WDR33: variants seen among roughly 807,000 people sequenced by gnomAD.
WDR33 encodes the protein pre-mRNA 3' end processing protein WDR33.
Under a neutral mutation model 164.9 loss-of-function variants are expected in WDR33, and 47 were observed. The observed-to-expected ratio is 0.29, with a 90% confidence interval of 0.23 to 0.36. The LOEUF (loss-of-function observed/expected upper bound fraction) is 0.36, where lower values mean the gene tolerates loss of function less well. Among genes scored for constraint, WDR33 ranks in the 10% least tolerant of loss-of-function variants. The pLI is 1.00. For synonymous variants in WDR33, 505 were observed against 589.0 expected (o/e 0.86, Z 2.06); for missense variants, 1,137 against 1,754.1 (o/e 0.65, Z 6.28).
chr2:127,747,439 A>G (rs984752895), intron 7 of WDR33, among the ~76,000 whole-genome samples: 4 of 138,122 alleles, frequency 2.9e-5, no homozygotes, highest in South Asian at 2.2e-4. Flanking sequence ...TGCTCTACCG[A>G]AAAAAAAAAA....
chr2:127,742,866 A>AC (rs1481216504), intron 7 of WDR33, among the ~76,000 whole-genome samples: 7 of 150,946 alleles, frequency 4.6e-5, no homozygotes, highest in African/African-American at 1.7e-4. Context: ...CAGTTAAAAA[A>AC]AAAAAAACAA....
At position 127,764,656 on chromosome 2, in the gene WDR33, G is replaced by A. The variant is rs777984005; in HGVS notation, c.626+172C>T. 2.0e-5 allele frequency: 31 copies of A among 1,565,280 alleles called. No individual in the cohort carries two copies. In the Admixed American group the frequency reaches 5.8e-4, roughly 29 times the overall value. On this transcript the variant is annotated intron_variant, in intron 6 of 21. Coordinates refer to ENST00000322313, the MANE Select transcript of WDR33 (RefSeq NM_018383.5). This position sits in a 1 kb window ranked among gnomAD's most constrained non-coding sequence, Gnocchi z 6.2. The stretch of plus-strand genomic sequence containing the variant: ...ACCGGGACAACACTACTTCAGAAAG[G>A]TGCCAGCAAAATGGTGAATGTGTGA...
chr2:127,752,418 G>A (rs1371761459), intron 7 of WDR33, among the ~76,000 whole-genome samples: 2 of 151,400 alleles, frequency 1.3e-5, no homozygotes, highest in Non-Finnish European at 2.9e-5. Flanking sequence ...GTGAAACCCC[G>A]TCTCTACTAA....
At position 127,722,946 on chromosome 2, in the gene WDR33, A is replaced by T. The variant is rs755022622; in HGVS notation, c.1378+12T>A. Reference sequence around the variant, plus strand: ...TTGTAAAAATTAAATGTGTCTGTGTAACTTCTCTTACCCATCTGTTCTTGT... The same window carrying T: ...TTGTAAAAATTAAATGTGTCTGTGTTACTTCTCTTACCCATCTGTTCTTGT... On this transcript the variant is annotated intron_variant, in intron 13 of 21. Coordinates refer to ENST00000322313, the MANE Select transcript of WDR33 (RefSeq NM_018383.5). This position sits in a 1 kb window ranked among gnomAD's most constrained non-coding sequence, Gnocchi z 5.1. The T allele has an allele frequency of 1.3e-6, 2 of 1,592,296 alleles. No individual in the cohort carries two copies. The highest frequency in any genetic ancestry group is 2.3e-5 in the South Asian group (2 of 85,918).
chr2:127,760,890 TAAAG>T (rs1687653797), intron 7 of WDR33, among the ~76,000 whole-genome samples: 1 of 152,118 alleles, frequency 6.6e-6, no homozygotes, highest in South Asian at 2.1e-4. Flanking sequence ...AAACCTAAAA[TAAAG>T]AGACCTCATA....
intron 1 of WDR33, among the ~76,000 whole-genome samples, chr2:127,775,556 T>C (rs555294936): frequency 6.6e-6 from 1 of 152,262 alleles, no homozygotes; most frequent in South Asian, 2.1e-4. Flanking sequence ...TGAAGCTGGG[T>C]GGAGAGTACC....
Position 127,720,820 on chromosome 2 carries a change from A to G in WDR33, c.1672-467T>C, listed in dbSNP as rs1456576241. ...GCTGATCCTCCCGCCTCGCCTCCCAAAGTGCTGGGATTACAGGCGTGAGCC... is the reference window on the plus strand; with the variant it reads ...GCTGATCCTCCCGCCTCGCCTCCCAGAGTGCTGGGATTACAGGCGTGAGCC... On this transcript the variant is annotated intron_variant, in intron 15 of 21. Coordinates refer to ENST00000322313, the MANE Select transcript of WDR33 (RefSeq NM_018383.5). This position sits in a 1 kb window ranked among gnomAD's most constrained non-coding sequence, Gnocchi z 5.9. Among the ~76,000 whole-genome samples, 2 of 152,098 alleles carry G rather than the reference A, an allele frequency of 1.3e-5. No individual in the cohort carries two copies. Among genetic ancestry groups the G allele is most frequent in the Non-Finnish European group, 2.9e-5 (2 of 68,010 alleles).
chr2:127,735,269 C>A lies in WDR33; in HGVS notation c.725-8492G>T. ...TTCTCAGGCCCTCACCCCTCCTCCA[C>A]CTGATCACCCCTCCTCCACCTCATC... On this transcript the variant is annotated intron_variant, in intron 7 of 21. Coordinates refer to ENST00000322313, the MANE Select transcript of WDR33 (RefSeq NM_018383.5). The surrounding 1 kb of genome is among the most constrained non-coding windows in gnomAD (Gnocchi z 4.3). The A allele has an allele frequency of 1.7e-6, 1 of 591,910 alleles. No individual in the cohort carries two copies. Among genetic ancestry groups the A allele is most frequent in the Non-Finnish European group, 2.1e-6 (1 of 470,698 alleles). 36.7% of individuals were successfully genotyped at this position (591,910 alleles called of 1,614,324 possible). A position where few individuals can be genotyped will look rare whatever the true frequency, so the allele number is the denominator to read the frequency against.
In WDR33 at chr2:127,721,292, G is replaced by A. The variant is rs929786055; in HGVS notation, c.1671+544C>T. 6.6e-6 allele frequency among the ~76,000 whole-genome samples: 1 copy of A among 152,090 alleles called. No homozygotes were observed. The highest frequency in any genetic ancestry group is 1.5e-5 in the Non-Finnish European group (1 of 68,008). On this transcript the variant is annotated intron_variant, in intron 15 of 21. Coordinates refer to ENST00000322313, the MANE Select transcript of WDR33 (RefSeq NM_018383.5). The surrounding 1 kb of genome is among the most constrained non-coding windows in gnomAD (Gnocchi z 4.9). ...CCAGCTAATTTTTGTATTTTCAGTA[G>A]AGGTGGGGTTTCACCATGTTGACCA...
chr2:127,713,981 C>A lies in WDR33; in HGVS notation c.2910G>T (p.Met970Ile). 1.3e-6 allele frequency: 2 copies of A among 1,545,440 alleles called. No homozygotes were observed. The highest frequency in any genetic ancestry group is 2.5e-5 in the South Asian group (2 of 80,058). ...RGPPNHHMGP[M>I]SERRHEQSGG... ...CGCTCTGCTCATGCCGCCTCTCTGA[C>A]ATCGGGCCCATGTGATGGTTTGGAG... is the stretch of plus-strand genomic sequence containing the variant. The change falls in exon 18 of 22, where the codon ATG becomes ATT. Residue 970 changes from methionine to isoleucine, a missense_variant. Around this residue, in one of 9 missense-constraint regions of WDR33, gnomAD observed 867 missense variants for 1,073.0 expected, o/e 0.81. Transcript: ENST00000322313. This position sits in a 1 kb window ranked among gnomAD's most constrained non-coding sequence, Gnocchi z 6.2.
chr2:127,766,985 C>A (rs188639968), intron 4 of WDR33, among the ~76,000 whole-genome samples: 50 of 152,200 alleles, frequency 3.3e-4, no homozygotes, highest in African/African-American at 1.2e-3. Flanking sequence ...TCTCAAACTC[C>A]CGACCGCAGG....
chr2:127,765,297 C>T, intron 4 of WDR33, 28 bp from the exon 5 acceptor site: 1 of 1,530,158 alleles, frequency 6.5e-7, no homozygotes, highest in South Asian at 1.2e-5. Flanking sequence ...ACAGGTTATA[C>T]ATCCTCCAAC....
chr2:127,701,591 G>GGCCGCGGAGCCGCTGCTC lies in WDR33; in HGVS notation c.*4714_*4731dup, dbSNP rs577320889. On this transcript the variant is annotated 3_prime_UTR_variant, in exon 22 of 22. Transcript: ENST00000322313. ...CGCAGGGGAAAGCTGGCGGCCCGGCGGCCGCGGAGCCGCTGCTCGCCGCGG... is the reference window on the plus strand; with the variant it reads ...CGCAGGGGAAAGCTGGCGGCCCGGCGGCCGCGGAGCCGCTGCTCGCCGCGGAGCCGCTGCTCGCCGCGG... 0.014 allele frequency: 18,419 copies of GGCCGCGGAGCCGCTGCTC among 1,358,394 alleles called. 166 individuals are homozygous for GGCCGCGGAGCCGCTGCTC. Among genetic ancestry groups the GGCCGCGGAGCCGCTGCTC allele is most frequent in the Middle Eastern group, 0.043 (156 of 3,588 alleles). The allele number at this position is 1,358,394 out of a possible 1,614,324, so 84.1% of individuals were successfully genotyped here.
At chr2:127,784,283 C>G (rs1375816486) in intron 1 of WDR33, among the ~76,000 whole-genome samples, 1 of 152,140 alleles carries the variant, frequency 6.6e-6, no homozygotes, top group Non-Finnish European at 1.5e-5. Flanking sequence ...ATTTTCACAG[C>G]CTTCTAAGAC....
intron 21 of WDR33, among the ~76,000 whole-genome samples, chr2:127,707,115 A>T (rs1490212140): frequency 6.6e-6 from 1 of 152,036 alleles, no homozygotes; most frequent in Non-Finnish European, 1.5e-5. Context: ...CCCACAAAAC[A>T]CTGGCTTTCA....
chr2:127,753,873 AAAAG>A (rs1687442316), intron 7 of WDR33, among the ~76,000 whole-genome samples: 1 of 152,216 alleles, frequency 6.6e-6, no homozygotes, highest in Non-Finnish European at 1.5e-5. Flanking sequence ...ACAGTAAAGA[AAAAG>A]AAAAATAACT....
Position 127,781,729 on chromosome 2 carries a change from T to C in WDR33, c.-23-10725A>G, listed in dbSNP as rs1407655734. ...AAATCCATGCTGAGGCCGGGTGCAG[T>C]GGCTCATGCCTATAATCCTAGCACT... is the stretch of plus-strand genomic sequence containing the variant. On this transcript the variant is annotated intron_variant, in intron 1 of 21. Coordinates refer to ENST00000322313, the MANE Select transcript of WDR33 (RefSeq NM_018383.5). 3.3e-5 allele frequency among the ~76,000 whole-genome samples: 5 copies of C among 151,510 alleles called. No homozygotes were observed. In the East Asian group the frequency reaches 9.7e-4, roughly 29 times the overall value.
chr2:127,808,883 A>G (rs1689529850), intron 1 of WDR33, among the ~76,000 whole-genome samples: 1 of 152,108 alleles, frequency 6.6e-6, no homozygotes, highest in Non-Finnish European at 1.5e-5. Flanking sequence ...ACAAAAAATT[A>G]GCCGGACGCG....
intron 7 of WDR33, among the ~76,000 whole-genome samples, chr2:127,740,852 G>A (rs1686993964): frequency 6.6e-6 from 1 of 152,146 alleles, no homozygotes; most frequent in East Asian, 1.9e-4. Flanking sequence ...GTTTGCAGAG[G>A]ATGAACTTAT....
Sources: gnomAD v4.1 joint callset for allele counts (sites outside exome capture counted in the v4.1 genomes callset) on GRCh38, gnomAD v4.1.1 for gene constraint, gnomAD v4.1.1 regional missense constraint, Gnocchi (gnomAD v3.1) non-coding constraint, MANE v1.5 for transcripts, NCBI Gene and HGNC (gene_info 2026-07-23, HGNC 2026-07-21) for gene names.